The following KMT2C variants were observed in gnomAD, a reference collection of about 807,000 sequenced individuals.
The protein encoded by KMT2C is histone-lysine N-methyltransferase 2C.
KMT2C carries 88 observed loss-of-function variants against 507.9 expected under a neutral mutation model. The observed-to-expected ratio is 0.17, with a 90% CI of 0.15 to 0.21. The LOEUF (loss-of-function observed/expected upper bound fraction) is 0.21. KMT2C is among the 10% of genes least tolerant of loss of function. The probability of loss-of-function intolerance (pLI) is 1.00; values close to 1 mark genes in which losing one functional copy is unlikely to be tolerated. For missense variants in KMT2C, 4,954 were observed against 5,957.8 expected (o/e 0.83, Z 5.55); for synonymous variants, 2,049 against 2,080.8 (o/e 0.98, Z 0.42).
chr7:152,203,403 T>TTAAGAGAAA (rs1328601759), intron 25 of KMT2C, among the ~76,000 whole-genome samples: 20 of 152,094 alleles, frequency 1.3e-4, no homozygotes, highest in African/African-American at 4.8e-4. Flanking sequence ...TTATAAACTA[T>TTAAGAGAAA]TAAGAGAAAT....
chr7:152,368,517 T>A, intron 1 of KMT2C: 2 of 1,348,404 alleles, frequency 1.5e-6, no homozygotes, highest in Non-Finnish European at 2.1e-6. Flanking sequence ...TGAAAAAGAA[T>A]TTGGAAGCAC....
chr7:152,394,420 T>C (rs2097524436), intron 1 of KMT2C, among the ~76,000 whole-genome samples: 1 of 152,308 alleles, frequency 6.6e-6, no homozygotes, highest in Admixed American at 6.5e-5. Flanking sequence ...TCTATGAACA[T>C]GCTAAGCACA....
rs1050879329 is a variant in KMT2C, at chr7:152,368,621, G to A, written c.162-9946C>T. On this transcript the variant is annotated intron_variant, in intron 1 of 58. Transcript: ENST00000262189. The stretch of plus-strand genomic sequence containing the variant: ...CATATTTTAGAACAGAACTCTTCGA[G>A]AACCTTGGAAAAGAACAAGAAGAAA... 53 of 1,455,796 alleles carry A rather than the reference G, an allele frequency of 3.6e-5. No individual in the cohort carries two copies. The Middle Eastern group carries it at 1.8e-3, about 50-fold the overall frequency. The allele number at this position is 1,455,796 out of a possible 1,614,324, so 90.2% of individuals were successfully genotyped here.
Position 152,259,454 on chromosome 7 carries a change from A to ACG in KMT2C, c.1299+3561_1299+3562insCG, listed in dbSNP as rs1563624861. Among the ~76,000 whole-genome samples the ACG allele has an allele frequency of 8.5e-3, 1,169 of 136,746 alleles. 14 individuals carry two copies. The highest frequency in any genetic ancestry group is 0.033 in the African/African-American group (1,135 of 33,990). 89.7% of individuals were successfully genotyped at this position (136,746 alleles called of 152,430 possible). A position where few individuals can be genotyped will look rare whatever the true frequency, so the allele number is the denominator to read the frequency against. On this transcript the variant is annotated intron_variant, in intron 9 of 58. Coordinates refer to ENST00000262189, the MANE Select transcript of KMT2C (RefSeq NM_170606.3). ...CACAGACACACACACGCGCACACACACACACACACACACACACACACACAC... is the reference window on the plus strand; with the variant it reads ...CACAGACACACACACGCGCACACACACGCACACACACACACACACACACACAC...
At chr7:152,230,134 T>G in intron 17 of KMT2C, 86 bp downstream of exon 17, 1 of 1,022,802 alleles carries the variant, frequency 9.8e-7, no homozygotes. Flanking sequence ...TAGCTAAATA[T>G]TGAATGACTT....
chr7:152,244,493 T>C (rs1382559207), intron 14 of KMT2C, among the ~76,000 whole-genome samples: 1 of 152,102 alleles, frequency 6.6e-6, no homozygotes, highest in East Asian at 1.9e-4. Context: ...ACCAGCCTGG[T>C]CTACACAGCA....
chr7:152,384,870 T>C (rs1488250960), intron 1 of KMT2C, among the ~76,000 whole-genome samples: 1 of 152,312 alleles, frequency 6.6e-6, no homozygotes, highest in African/African-American at 2.4e-5. Context: ...TGGAAACTTT[T>C]CTTTTTATAA....
intron 38 of KMT2C, among the ~76,000 whole-genome samples, chr7:152,175,987 G>A (rs1587938222): frequency 1.3e-5 from 2 of 152,278 alleles, no homozygotes; most frequent in South Asian, 2.1e-4. Flanking sequence ...AGGTTGCTGT[G>A]AGCCGAGATC....
At chr7:152,205,273 A>C (rs1473189843) in intron 24 of KMT2C, 48 bp from the exon 25 acceptor site, 1 of 1,546,360 alleles carries the variant, frequency 6.5e-7, no homozygotes, top group Non-Finnish European at 8.9e-7. Context: ...TTCTCCCTAC[A>C]TTTCCACAGT....
rs114019388 is a variant in KMT2C, at chr7:152,315,383, T to C, written c.390-45A>G. On this transcript the variant is annotated intron_variant, in intron 3 of 58. Coordinates refer to ENST00000262189, the MANE Select transcript of KMT2C (RefSeq NM_170606.3). ...AGTCAGAGAAGGAGAAAAGTAGCTT[T>C]ATTCAACTGCTTTAAGCGATAACTA... The C allele has an allele frequency of 1.6e-3, 2,247 of 1,378,622 alleles. 16 individuals are homozygous for C. The African/African-American group carries it at 0.023, about 14-fold the overall frequency. 85.4% of individuals were successfully genotyped at this position (1,378,622 alleles called of 1,614,324 possible). A position where few individuals can be genotyped will look rare whatever the true frequency, so the allele number is the denominator to read the frequency against.
rs2091900911 is a variant in KMT2C, at chr7:152,154,539, A to C, written c.11961-94T>G. 3 of 1,055,460 alleles carry C rather than the reference A, an allele frequency of 2.8e-6. No homozygotes were observed. The African/African-American group carries it at 4.7e-5, about 16-fold the overall frequency. The allele number at this position is 1,055,460 out of a possible 1,614,324, so 65.4% of individuals were successfully genotyped here. On this transcript the variant is annotated intron_variant, in intron 46 of 58. Coordinates refer to ENST00000262189, the MANE Select transcript of KMT2C (RefSeq NM_170606.3). ...GCTGACATCTGTGAATACAGCTGTAAGGATACTCTGGGCAGCACCTATACG... is the reference window on the plus strand; with the variant it reads ...GCTGACATCTGTGAATACAGCTGTACGGATACTCTGGGCAGCACCTATACG...
chr7:152,421,578 G>T (rs13223888), intron 1 of KMT2C, among the ~76,000 whole-genome samples: 15,148 of 152,188 alleles, frequency 0.1, 1,748 homozygotes, highest in African/African-American at 0.28. Context: ...AGAATGAAAT[G>T]ATCCTTTGCA....
At chr7:152,180,597 C>G (rs894426118) in intron 36 of KMT2C, 114 bp downstream of exon 36, 2 of 808,068 alleles carry the variant, frequency 2.5e-6, no homozygotes, top group Non-Finnish European at 3.8e-6. Context: ...ATGACAAACT[C>G]TACAGAATAA....
intron 6 of KMT2C, among the ~76,000 whole-genome samples, chr7:152,301,884 G>A (rs2096572320): frequency 6.6e-6 from 1 of 152,166 alleles, no homozygotes; most frequent in South Asian, 2.1e-4. Context: ...TTACATAAAA[G>A]TACTTTCCAT....
intron 6 of KMT2C, among the ~76,000 whole-genome samples, chr7:152,306,780 A>C (rs1301189377): frequency 6.6e-6 from 1 of 152,148 alleles, no homozygotes; most frequent in Non-Finnish European, 1.5e-5. Flanking sequence ...TTTATGTTTG[A>C]ATTTTTGCCA....
chr7:152,183,173 GA>G lies in KMT2C; in HGVS notation c.5083-18del, dbSNP rs759356725. ...GGCTTTTTGCTTTGACAAAAGAAGAGAAAAAAATTTCCCAGATTATGTTAAA... is the reference window on the plus strand; with the variant it reads ...GGCTTTTTGCTTTGACAAAAGAAGAGAAAAAATTTCCCAGATTATGTTAAA... On this transcript the variant is annotated intron_variant, in intron 34 of 58. Transcript: ENST00000262189. 1.3e-6 allele frequency: 2 copies of G among 1,492,950 alleles called. No individual in the cohort carries two copies. Among genetic ancestry groups the G allele is most frequent in the South Asian group, 1.4e-5 (1 of 72,342 alleles). 92.5% of individuals were successfully genotyped at this position (1,492,950 alleles called of 1,614,324 possible).
At position 152,187,248 on chromosome 7, in the gene KMT2C, T is replaced by C. The variant is rs2093655147; in HGVS notation, c.5008+14A>G. 2.5e-6 allele frequency: 4 copies of C among 1,596,234 alleles called. No individual in the cohort carries two copies. The highest frequency in any genetic ancestry group is 2.2e-5 in the East Asian group (1 of 44,762). On this transcript the variant is annotated intron_variant, in intron 33 of 58. Transcript: ENST00000262189. ...AAATGTTGGTAAAACAGAAATAATA[T>C]ATTCATGGCTTACCAGGGAATTCTT... is the stretch of plus-strand genomic sequence containing the variant.
intron 6 of KMT2C, among the ~76,000 whole-genome samples, chr7:152,300,663 C>A (rs978890601): frequency 6.6e-6 from 1 of 152,196 alleles, no homozygotes; most frequent in African/African-American, 2.4e-5. Flanking sequence ...CTAAGCTGAT[C>A]CCATGAGTCC....
chr7:152,215,240 G>A (rs899174512), intron 23 of KMT2C, among the ~76,000 whole-genome samples: 3 of 151,914 alleles, frequency 2.0e-5, no homozygotes, highest in South Asian at 4.2e-4. Context: ...AAAGCCGAGC[G>A]CGGTGGCTCA....
Sources: allele counts gnomAD v4.1 joint callset (sites outside exome capture counted in the v4.1 genomes callset), GRCh38; gene constraint gnomAD v4.1.1; transcripts MANE v1.5; gene names NCBI Gene and HGNC (gene_info 2026-07-23, HGNC 2026-07-21).